GRM8: variants seen among roughly 807,000 people sequenced by gnomAD.
The protein encoded by GRM8 is glutamate metabotropic receptor 8.
GRM8 carries 47 observed loss-of-function variants against 87.2 expected under a neutral mutation model. The observed-to-expected ratio is 0.54, with a 90% CI of 0.43 to 0.69. GRM8 has a LOEUF of 0.69. GRM8 is among the 30% of genes least tolerant of loss of function. GRM8 has a pLI of 0.00. For missense variants in GRM8, 1,019 were observed against 1,139.2 expected, an observed-to-expected ratio of 0.89 and a Z score of 1.52; for synonymous variants, 396 against 404.5, an observed-to-expected ratio of 0.98 and a Z score of 0.25.
At chr7:127,135,712 G>T (rs1309418573) in intron 2 of GRM8, among the ~76,000 whole-genome samples, 2 of 150,808 alleles carry the variant, frequency 1.3e-5, no homozygotes, top group African/African-American at 4.9e-5. Flanking sequence ...TGGGCAGAGA[G>T]ATTATATTTA....
intron 9 of GRM8, among the ~76,000 whole-genome samples, chr7:126,496,068 T>C (rs1467640313): frequency 6.6e-6 from 1 of 151,804 alleles, no homozygotes; most frequent in East Asian, 2.0e-4. Flanking sequence ...AATGTTAGGG[T>C]GGGGGTAGTA....
At chr7:126,678,306 A>G (rs1289183831) in intron 7 of GRM8, among the ~76,000 whole-genome samples, 1 of 152,200 alleles carries the variant, frequency 6.6e-6, no homozygotes, top group Non-Finnish European at 1.5e-5. Context: ...TGATAAGTAG[A>G]TATAGACTAG....
intron 8 of GRM8, among the ~76,000 whole-genome samples, chr7:126,602,926 CA>C (rs1272813712): frequency 7.7e-6 from 1 of 130,226 alleles, no homozygotes; most frequent in African/African-American, 2.6e-5. Context: ...GGCAGAGACA[CA>C]ACCAAAAAAG....
At position 126,673,375 on chromosome 7, in the gene GRM8, G is replaced by A. The variant is rs181390948; in HGVS notation, c.1358-63877C>T. 5.3e-5 allele frequency among the ~76,000 whole-genome samples: 8 copies of A among 152,302 alleles called. No individual in the cohort carries two copies. The East Asian group carries it at 1.5e-3, about 29-fold the overall frequency. ...TTTAGGGAAATACTTTCAAGTGGGA[G>A]ATAATGGATTTAGAGGATGTATACA... is the stretch of plus-strand genomic sequence containing the variant. On this transcript the variant is annotated intron_variant, in intron 7 of 10. Coordinates refer to ENST00000339582, the MANE Select transcript of GRM8 (RefSeq NM_000845.3).
chr7:127,146,794 AG>A (rs1217231652), intron 2 of GRM8, among the ~76,000 whole-genome samples: 8 of 152,038 alleles, frequency 5.3e-5, no homozygotes, highest in Non-Finnish European at 1.5e-5. Context: ...AAAATTTGGT[AG>A]TCATTCATCT....
At chr7:126,439,434 C>G in intron 10 of GRM8, among the ~76,000 whole-genome samples, 1 of 152,152 alleles carries the variant, frequency 6.6e-6, no homozygotes, top group Non-Finnish European at 1.5e-5. Context: ...TAACACAACA[C>G]AACACATAAC....
chr7:127,042,601 C>T (rs1252514139), intron 3 of GRM8, among the ~76,000 whole-genome samples: 1 of 152,076 alleles, frequency 6.6e-6, no homozygotes, highest in Non-Finnish European at 1.5e-5. Context: ...ACACCTTATA[C>T]AAAAATTAAT....
chr7:127,051,739 C>CAAAAA (rs59713382), intron 3 of GRM8, among the ~76,000 whole-genome samples: 1 of 58,460 alleles, frequency 1.7e-5, no homozygotes, highest in African/African-American at 6.0e-5. Flanking sequence ...TAATGTTGAG[C>CAAAAA]AAAAAAAAAA....
At chr7:127,235,387 G>A (rs1234407146) in intron 2 of GRM8, among the ~76,000 whole-genome samples, 1 of 152,188 alleles carries the variant, frequency 6.6e-6, no homozygotes, top group Non-Finnish European at 1.5e-5. Flanking sequence ...GGAATGTTGT[G>A]TCCTGTGACC....
chr7:126,615,729 T>C (rs1799419793), intron 7 of GRM8, among the ~76,000 whole-genome samples: 1 of 152,066 alleles, frequency 6.6e-6, no homozygotes, highest in Admixed American at 6.5e-5. Flanking sequence ...GCAATCCTAG[T>C]CTCTGATGAA....
At chr7:126,610,180 G>A (rs1387492881) in intron 7 of GRM8, among the ~76,000 whole-genome samples, 1 of 152,142 alleles carries the variant, frequency 6.6e-6, no homozygotes, top group African/African-American at 2.4e-5. Context: ...CCTCTCGGAA[G>A]TTTTCATCTT....
At chr7:126,742,321 T>C (rs890323241) in intron 7 of GRM8, among the ~76,000 whole-genome samples, 1 of 152,054 alleles carries the variant, frequency 6.6e-6, no homozygotes, top group African/African-American at 2.4e-5. Flanking sequence ...ATACTGGCTA[T>C]GCTCAAAAGT....
chr7:126,932,576 TAGAC>T (rs1294753317), intron 3 of GRM8, among the ~76,000 whole-genome samples: 1 of 152,074 alleles, frequency 6.6e-6, no homozygotes, highest in Non-Finnish European at 1.5e-5. Context: ...CTAGAGAAAA[TAGAC>T]ATACATATTA....
At chr7:126,469,714 C>A (rs1292545393) in intron 9 of GRM8, among the ~76,000 whole-genome samples, 1 of 152,186 alleles carries the variant, frequency 6.6e-6, no homozygotes, top group African/African-American at 2.4e-5. Flanking sequence ...CCCAGCCATA[C>A]TGAACTGTGT....
At chr7:127,248,784 C>T (rs141643404) in intron 1 of GRM8, among the ~76,000 whole-genome samples, 10 of 152,294 alleles carry the variant, frequency 6.6e-5, no homozygotes, top group East Asian at 1.9e-4. Context: ...TTTCTCATCA[C>T]GCTTGGGTCT....
chr7:127,164,678 G>A (rs1165469867), intron 2 of GRM8, among the ~76,000 whole-genome samples: 3 of 152,060 alleles, frequency 2.0e-5, no homozygotes, highest in South Asian at 2.1e-4. Flanking sequence ...CATAGCCATC[G>A]TAGGCAGCTT....
At chr7:126,946,944 A>G (rs144077684) in intron 3 of GRM8, among the ~76,000 whole-genome samples, 44 of 152,320 alleles carry the variant, frequency 2.9e-4, no homozygotes, top group Non-Finnish European at 6.0e-4. Context: ...TCATGTCATC[A>G]TTAGAGTTTG....
intron 3 of GRM8, among the ~76,000 whole-genome samples, chr7:126,950,887 T>C (rs995128241): frequency 1.3e-5 from 2 of 151,974 alleles, no homozygotes; most frequent in Non-Finnish European, 2.9e-5. Context: ...TGATCCTAAA[T>C]GCAGCAGCTA....
intron 3 of GRM8, among the ~76,000 whole-genome samples, chr7:126,944,475 C>G (rs1046692604): frequency 2.6e-5 from 4 of 152,136 alleles, no homozygotes; most frequent in African/African-American, 9.7e-5. Context: ...TTGGGAAACC[C>G]CCAACGCAGC....
Sources: allele counts gnomAD v4.1 joint callset (sites outside exome capture counted in the v4.1 genomes callset), GRCh38; gene constraint gnomAD v4.1.1; transcripts MANE v1.5; gene names NCBI Gene and HGNC (gene_info 2026-07-23, HGNC 2026-07-21).